The following CABIN1 variants were observed in gnomAD, a reference collection of about 807,000 sequenced individuals.
CABIN1 encodes calcineurin-binding protein cabin-1.
CABIN1 carries 133 observed loss-of-function variants against 227.7 expected under a neutral mutation model. That is an observed-to-expected ratio of 0.58 (90% CI 0.51 to 0.67). CABIN1 has a LOEUF of 0.67. CABIN1 is among the 30% of genes least tolerant of loss of function. The pLI is 0.00. For missense variants in CABIN1, 2,408 were observed against 2,852.5 expected (o/e 0.84, Z 3.55); for synonymous variants, 1,086 against 1,155.1 (o/e 0.94, Z 1.21).
At chr22:24,123,473 A>G (rs913845134) in intron 28 of CABIN1, among the ~76,000 whole-genome samples, 19 of 152,256 alleles carry the variant, frequency 1.2e-4, no homozygotes, top group African/African-American at 3.9e-4. Flanking sequence ...GGTGGTTCCC[A>G]TTGGCTTCTG....
intron 29 of CABIN1, among the ~76,000 whole-genome samples, chr22:24,148,443 G>T (rs1369216087): frequency 6.6e-6 from 1 of 152,214 alleles, no homozygotes; most frequent in African/African-American, 2.4e-5. Context: ...GCCCTCTGTG[G>T]CAGGAGCCTC....
At chr22:24,023,918 A>G (rs2035901750) in intron 1 of CABIN1, among the ~76,000 whole-genome samples, 1 of 151,964 alleles carries the variant, frequency 6.6e-6, no homozygotes, top group Non-Finnish European at 1.5e-5. Flanking sequence ...TTTTTAGTAG[A>G]GATGGGGTTT....
intron 28 of CABIN1, among the ~76,000 whole-genome samples, chr22:24,130,029 G>A (rs143766783): frequency 4.2e-4 from 64 of 152,362 alleles, no homozygotes; most frequent in African/African-American, 1.5e-3. Flanking sequence ...GAGGACATAA[G>A]GTGCCTGTAT....
intron 23 of CABIN1, among the ~76,000 whole-genome samples, chr22:24,090,349 A>G (rs1035564764): frequency 6.6e-6 from 1 of 152,194 alleles, no homozygotes; most frequent in Non-Finnish European, 1.5e-5. Flanking sequence ...CAATTCAAGT[A>G]GAAGGACATC....
intron 26 of CABIN1, among the ~76,000 whole-genome samples, chr22:24,101,895 A>T (rs1026418611): frequency 2.6e-5 from 4 of 151,946 alleles, no homozygotes; most frequent in African/African-American, 9.7e-5. Flanking sequence ...GCCCGTGTGT[A>T]ATTACGCCCT....
chr22:24,050,524 G>T (rs2038242022), intron 7 of CABIN1, among the ~76,000 whole-genome samples: 1 of 152,218 alleles, frequency 6.6e-6, no homozygotes, highest in African/African-American at 2.4e-5. Context: ...TTGAGAGAAA[G>T]ATTTTATTTT....
intron 1 of CABIN1, among the ~76,000 whole-genome samples, chr22:24,021,532 GA>G (rs2035728598): frequency 6.6e-6 from 1 of 152,100 alleles, no homozygotes; most frequent in African/African-American, 2.4e-5. Context: ...GCCCAGGCTG[GA>G]CTTGAACTTC....
intron 19 of CABIN1, among the ~76,000 whole-genome samples, chr22:24,080,500 A>G (rs925168162): frequency 7.9e-5 from 12 of 152,210 alleles, no homozygotes; most frequent in Admixed American, 5.2e-4. Context: ...TCATTTTTGT[A>G]TGATTGAGTC....
In CABIN1 at chr22:24,178,035, G is replaced by A. The variant is rs201344660; in HGVS notation, c.6520-18G>A. The A allele has an allele frequency of 3.6e-3, 5,785 of 1,612,970 alleles. 41 individuals are homozygous for A. Among genetic ancestry groups the A allele is most frequent in the Non-Finnish European group, 3.3e-3 (3,860 of 1,179,888 alleles). On this transcript the variant is annotated intron_variant, in intron 36 of 36. Transcript: ENST00000263119. ...CCCAGCCATCCTTGACCAGTGCCCC[G>A]CCCGGCCCTCTCCGCAGTCAGCCAT...
intron 26 of CABIN1, among the ~76,000 whole-genome samples, chr22:24,108,289 C>T (rs1000002803): frequency 3.3e-5 from 5 of 152,220 alleles, no homozygotes; most frequent in African/African-American, 1.2e-4. Flanking sequence ...CCTGCGTGGC[C>T]TCTAGAGGGT....
chr22:24,073,945 T>G (rs1416785647), intron 18 of CABIN1, among the ~76,000 whole-genome samples: 1 of 152,226 alleles, frequency 6.6e-6, no homozygotes, highest in Admixed American at 6.5e-5. Context: ...ACCCTTAGTT[T>G]GGCTGCACTA....
intron 30 of CABIN1, among the ~76,000 whole-genome samples, chr22:24,165,041 AG>A (rs1222163921): frequency 7.9e-5 from 12 of 152,208 alleles, no homozygotes; most frequent in African/African-American, 2.9e-4. Context: ...TGCCATTTAC[AG>A]GGGGTGTTGG....
Position 24,168,443 on chromosome 22 carries a change from T to G in CABIN1, c.5683-4T>G. 1 of 1,568,928 alleles carries G rather than the reference T, an allele frequency of 6.4e-7. No homozygotes were observed. Among genetic ancestry groups the G allele is most frequent in the East Asian group, 2.4e-5 (1 of 42,012 alleles). On this transcript the variant is annotated splice_polypyrimidine_tract_variant and splice_region_variant and intron_variant, in intron 32 of 36. Coordinates refer to ENST00000263119, the MANE Select transcript of CABIN1 (RefSeq NM_012295.4). ...CCCCTGACTTCCAGCATCTCCCTGT[T>G]AAGGTGGATGAGGAGGCTGCGCTGG...
At chr22:24,122,559 T>G (rs1232509997) in intron 28 of CABIN1, among the ~76,000 whole-genome samples, 1 of 152,046 alleles carries the variant, frequency 6.6e-6, no homozygotes, top group Non-Finnish European at 1.5e-5. Context: ...AATACAAAAA[T>G]TATCCAGGCG....
chr22:24,034,464 C>T (rs1365296605), intron 1 of CABIN1, among the ~76,000 whole-genome samples: 1 of 152,100 alleles, frequency 6.6e-6, no homozygotes, highest in Non-Finnish European at 1.5e-5. Context: ...ATAATAAATA[C>T]CCCTTTATAT....
At chr22:24,157,172 A>T (rs923617197) in intron 29 of CABIN1, among the ~76,000 whole-genome samples, 2 of 152,116 alleles carry the variant, frequency 1.3e-5, no homozygotes, top group Non-Finnish European at 1.5e-5. Context: ...TAGAAGCTGC[A>T]GGAACTTCCT....
intron 23 of CABIN1, 28 bp from the exon 24 acceptor site, chr22:24,091,554 GC>G (rs887206960): frequency 6.8e-6 from 11 of 1,614,028 alleles, no homozygotes; most frequent in Non-Finnish European, 8.5e-6. Context: ...CAGGCGTAAG[GC>G]CAGCCCAGTC....
chr22:24,122,378 C>T (rs973763814), intron 28 of CABIN1, among the ~76,000 whole-genome samples: 1 of 152,076 alleles, frequency 6.6e-6, no homozygotes, highest in Non-Finnish European at 1.5e-5. Flanking sequence ...ATACTTCTGG[C>T]TGAGCCATCG....
At chr22:24,128,956 GTGGTGAGTGGATCATCATCAT>G (rs2148087726) in intron 28 of CABIN1, among the ~76,000 whole-genome samples, 1 of 152,342 alleles carries the variant, frequency 6.6e-6, no homozygotes, top group South Asian at 2.1e-4. Context: ...AGGTAGTTAA[GTGGTGAGTGGATCATCATCAT>G]TGGTTGTGGC....
Sources: gnomAD v4.1 joint callset for allele counts (sites outside exome capture counted in the v4.1 genomes callset) on GRCh38, gnomAD v4.1.1 for gene constraint, MANE v1.5 for transcripts, NCBI Gene and HGNC (gene_info 2026-07-23, HGNC 2026-07-21) for gene names.